The following EPB41L4A variants were observed in gnomAD, a reference collection of about 807,000 sequenced individuals.
EPB41L4A encodes erythrocyte membrane protein band 4.1 like 4A, also known as band 4.1-like protein 4A.
Under a neutral mutation model 108.6 loss-of-function variants are expected in EPB41L4A, and 100 were observed. The ratio of observed to expected loss-of-function variants is 0.92; its 90% CI spans 0.78 to 1.09. EPB41L4A has a LOEUF of 1.09. EPB41L4A is among the 50% of genes least tolerant of loss of function. The pLI is 0.00. For missense variants in EPB41L4A, 1,030 were observed against 842.7 expected (o/e 1.22, Z -2.75); for synonymous variants, 319 against 289.0 (o/e 1.10, Z -1.05).
intron 2 of EPB41L4A, among the ~76,000 whole-genome samples, chr5:112,305,342 G>A (rs1175953185): frequency 6.6e-6 from 1 of 152,096 alleles, no homozygotes; most frequent in Non-Finnish European, 1.5e-5. Flanking sequence ...GGGGTTCTAG[G>A]TTCTCCTGGT....
intron 22 of EPB41L4A, among the ~76,000 whole-genome samples, chr5:112,166,149 ATTC>A (rs1561442036): frequency 3.9e-5 from 6 of 152,368 alleles, no homozygotes; most frequent in Non-Finnish European, 5.9e-5. Flanking sequence ...TTAAGTTGCT[ATTC>A]TTCCCCATTC....
At chr5:112,176,785 A>G (rs12655385) in intron 18 of EPB41L4A, among the ~76,000 whole-genome samples, 99,920 of 130,946 alleles carry the variant, frequency 0.76, 38,014 homozygotes, top group East Asian at 1. Context: ...ATGGAGTTTC[A>G]CTCCTGTTGC....
rs572617741 is a variant in EPB41L4A at position 112,405,889 on chromosome 5, C to A, written c.99+13052G>T. Among the ~76,000 whole-genome samples, 10 of 152,258 alleles carry A rather than the reference C, an allele frequency of 6.6e-5. No individual in the cohort carries two copies. In the South Asian group the frequency reaches 2.1e-3, roughly 32 times the overall value. On this transcript the variant is annotated intron_variant, in intron 1 of 22. Transcript: ENST00000261486. Reference sequence around the variant, plus strand: ...AGTTAAACTTCTACAGGCAAGAGTCCTCCCTTTATTTCACTATCCCACCAG... The same window carrying A: ...AGTTAAACTTCTACAGGCAAGAGTCATCCCTTTATTTCACTATCCCACCAG...
intron 2 of EPB41L4A, among the ~76,000 whole-genome samples, chr5:112,289,769 C>A (rs74193861): frequency 0.11 from 16,313 of 152,260 alleles, 1,058 homozygotes; most frequent in East Asian, 0.25. Context: ...CTCCAGCAGA[C>A]ACTAAGTAGA....
chr5:112,218,678 A>C (rs1312165520), intron 12 of EPB41L4A, among the ~76,000 whole-genome samples: 1 of 152,224 alleles, frequency 6.6e-6, no homozygotes, highest in African/African-American at 2.4e-5. Context: ...TGCAAATATA[A>C]ACTAAGCATA....
In EPB41L4A at chr5:112,419,188, C is replaced by G. The variant is rs1035553147; in HGVS notation, c.-149G>C. On this transcript the variant is annotated 5_prime_UTR_variant, in exon 1 of 23. Coordinates refer to ENST00000261486, the MANE Select transcript of EPB41L4A (RefSeq NM_022140.5). ...CCCGGCGGGGTCCGGGGACCGGCCG[C>G]CGAACCGCCCGGCGGGGCGGGAGCG... The G allele has an allele frequency of 1.8e-6, 1 of 548,400 alleles. No homozygotes were observed. Among genetic ancestry groups the G allele is most frequent in the Non-Finnish European group, 3.2e-6 (1 of 312,244 alleles). 34.0% of individuals were successfully genotyped at this position (548,400 alleles called of 1,614,324 possible).
chr5:112,216,436 G>A (rs1296203092), intron 12 of EPB41L4A, among the ~76,000 whole-genome samples: 2 of 152,148 alleles, frequency 1.3e-5, no homozygotes, highest in Admixed American at 6.6e-5. Context: ...TGAAAAAAAT[G>A]TATTTGGAAA....
intron 18 of EPB41L4A, among the ~76,000 whole-genome samples, chr5:112,173,366 C>G (rs573984349): frequency 7.9e-5 from 12 of 151,858 alleles, no homozygotes; most frequent in African/African-American, 2.7e-4. Context: ...GATATCAGGC[C>G]TAGTGGTGAG....
intron 13 of EPB41L4A, chr5:112,143,965 G>A (rs965139213): frequency 9.5e-6 from 4 of 419,936 alleles, no homozygotes; most frequent in African/African-American, 8.1e-5. Context: ...ATTATGCTAT[G>A]GCCACCCTCC....
chr5:112,296,632 G>C (rs1377447661), intron 2 of EPB41L4A, among the ~76,000 whole-genome samples: 1 of 151,988 alleles, frequency 6.6e-6, no homozygotes, highest in Non-Finnish European at 1.5e-5. Context: ...TAGGTTTTTA[G>C]GGAACAGGTT....
intron 2 of EPB41L4A, among the ~76,000 whole-genome samples, chr5:112,284,870 C>T (rs1003011364): frequency 6.6e-6 from 1 of 152,170 alleles, no homozygotes; most frequent in Non-Finnish European, 1.5e-5. Flanking sequence ...GGCTAAATGC[C>T]CTTGGCTGCT....
At chr5:112,321,658 C>T (rs1382982376) in intron 1 of EPB41L4A, among the ~76,000 whole-genome samples, 1 of 152,048 alleles carries the variant, frequency 6.6e-6, no homozygotes, top group African/African-American at 2.4e-5. Flanking sequence ...TCTTAATGTA[C>T]CACAACCAAA....
At chr5:112,320,902 C>T (rs1448563868) in intron 1 of EPB41L4A, among the ~76,000 whole-genome samples, 1 of 152,198 alleles carries the variant, frequency 6.6e-6, no homozygotes, top group African/African-American at 2.4e-5. Flanking sequence ...AACTCTGCTA[C>T]TTCATTCATT....
rs777261583 is a variant in EPB41L4A at position 112,275,392 on chromosome 5, T to C, written c.269A>G (p.Tyr90Cys). Reference protein sequence around the residue: ...HKELINTGPPYTLYFGIKFYA... With the variant: ...HKELINTGPPCTLYFGIKFYA... ...GAATTTAATACCAAAATACAAAGTA[T>C]ATGGAGGTCCAGCTAAAATAAGAAA... is the stretch of plus-strand genomic sequence containing the variant. Residue 90 changes from tyrosine (Y) to cysteine (C), a missense_variant, in exon 4 of 23, where the codon TAT (tyrosine) becomes TGT (cysteine). By Grantham distance (194) the Tyr-to-Cys change is radical (BLOSUM62 -2). Coordinates refer to ENST00000261486, the MANE Select transcript of EPB41L4A (RefSeq NM_022140.5). 5.0e-5 allele frequency: 77 copies of C among 1,541,256 alleles called. No individual in the cohort carries two copies. Among genetic ancestry groups the C allele is most frequent in the Middle Eastern group, 1.8e-4 (1 of 5,642 alleles).
chr5:112,158,421 G>A (rs1759724758), downstream of EPB41L4A: 2 of 436,614 alleles, frequency 4.6e-6, no homozygotes, highest in African/African-American at 2.0e-5. Context: ...GGAAACTCAG[G>A]CTCACAATGG....
intron 4 of EPB41L4A, among the ~76,000 whole-genome samples, chr5:112,271,952 TAG>T (rs1175399675): frequency 6.6e-6 from 1 of 152,168 alleles, no homozygotes; most frequent in Non-Finnish European, 1.5e-5. Flanking sequence ...GAAAACATCT[TAG>T]AACACAAGCG....
intron 13 of EPB41L4A, among the ~76,000 whole-genome samples, chr5:112,145,726 A>G (rs1759227215): frequency 6.6e-6 from 1 of 152,232 alleles, no homozygotes; most frequent in Non-Finnish European, 1.5e-5. Flanking sequence ...ACATCATCCC[A>G]AATTTGATAA....
intron 18 of EPB41L4A, among the ~76,000 whole-genome samples, chr5:112,176,529 T>C (rs1316443624): frequency 5.9e-5 from 9 of 152,104 alleles, no homozygotes; most frequent in African/African-American, 1.7e-4. Flanking sequence ...ACTCAGTGCA[T>C]CTGCTCAGAA....
chr5:112,290,260 G>C (rs943137849), intron 2 of EPB41L4A, among the ~76,000 whole-genome samples: 3 of 151,938 alleles, frequency 2.0e-5, no homozygotes, highest in African/African-American at 4.8e-5. Context: ...TGCTTTTTTT[G>C]TTACTGAAAA....
Sources: allele counts gnomAD v4.1 joint callset (sites outside exome capture counted in the v4.1 genomes callset), GRCh38; gene constraint gnomAD v4.1.1; transcripts MANE v1.5; gene names NCBI Gene and HGNC (gene_info 2026-07-23, HGNC 2026-07-21).